Variants in IFNA17 observed in about 807,000 individuals in gnomAD.
The protein encoded by IFNA17 is interferon alpha-17.
For missense variants in IFNA17, 285 were observed against 212.7 expected, an observed-to-expected ratio of 1.34 and a Z score of -2.11; for synonymous variants, 107 against 80.5, an observed-to-expected ratio of 1.33 and a Z score of -1.76.
At position 21,228,167 on chromosome 9, in the gene IFNA17, G is replaced by A; in HGVS notation, c.7C>T (p.Leu3=). The A allele has an allele frequency of 1.2e-6, 2 of 1,609,648 alleles. No individual in the cohort carries two copies. The highest frequency in any genetic ancestry group is 8.5e-7 in the Non-Finnish European group (1 of 1,177,950). Residue 3 remains leucine (L), a synonymous_variant, in exon 1 of 1, where the codon CTG becomes TTG. Transcript: ENST00000413767. ...ACGGCCATCAGTAAAGAAAAGGACA[G>A]GGCCATTGGGATGTTGCAAATGTTG... The part of the protein sequence containing the change: MA[L]SFSLLMAVLV...
rs1293493373 is a variant in IFNA17, at chr9:21,227,901, G to A, written c.273C>T (p.Phe91=). ...HEMIQQTFNL[F]STEDSSAAWE... ...AAGCAGCAGATGAGTCCTCTGTGCT[G>A]AAGAGATTGAAGGTCTGCTGGATCA... The change falls in exon 1 of 1, where the codon TTC becomes TTT. Residue 91 remains phenylalanine (F), a synonymous_variant. Coordinates refer to ENST00000413767, the MANE Select transcript of IFNA17 (RefSeq NM_021268.2). The A allele has an allele frequency of 1.2e-6, 2 of 1,613,806 alleles. No homozygotes were observed. The highest frequency in any genetic ancestry group is 1.7e-6 in the Non-Finnish European group (2 of 1,179,876).
Position 21,228,146 on chromosome 9 carries a change from C to T in IFNA17, c.28G>A (p.Ala10Thr), listed in dbSNP as rs767346507. 2.9e-5 allele frequency: 47 copies of T among 1,613,544 alleles called. No individual in the cohort carries two copies. In the East Asian group the frequency reaches 9.8e-4, roughly 34 times the overall value. The stretch of plus-strand genomic sequence containing the variant: ...GATTTGTAGCTGAGCACCAGCACGG[C>T]CATCAGTAAAGAAAAGGACAGGGCC... MALSFSLLM[A>T]VLVLSYKSIC... is the part of the protein sequence containing the mutation. Residue 10 changes from alanine to threonine, a missense_variant, in exon 1 of 1, where the codon GCC becomes ACC. Transcript: ENST00000413767.
rs754268139 is a variant in IFNA17 at position 21,227,646 on chromosome 9, A to C, written c.528T>G (p.Ser176=). 92 of 1,612,056 alleles carry C rather than the reference A, an allele frequency of 5.7e-5. No homozygotes were observed. The highest frequency in any genetic ancestry group is 4.4e-4 in the African/African-American group (33 of 74,658). Residue 176 remains serine (S), a synonymous_variant, in exon 1 of 1, where the codon TCT becomes TCG. Coordinates refer to ENST00000413767, the MANE Select transcript of IFNA17 (RefSeq NM_021268.2). The part of the protein sequence containing the change: ...VVRAEIMRSL[S]FSTNLQKILR... ...ATATTTTTTGCAAGTTTGTTGAAAA[A>C]GAGAGAGATCTCATGATTTCTGCTC...
chr9:21,228,017 G>A lies in IFNA17; in HGVS notation c.157C>T (p.Leu53=), dbSNP rs144758101. The A allele has an allele frequency of 7.7e-3, 12,374 of 1,614,046 alleles. 106 individuals are homozygous for A. The highest frequency in any genetic ancestry group is 0.04 in the African/African-American group (2,976 of 74,978). Reference sequence around the variant, plus strand: ...AGTCCAAAGTCATGTCTGTCCTTCAGGCAGGAGAAAGGAGAGATTCTTCCC... The same window carrying A: ...AGTCCAAAGTCATGTCTGTCCTTCAAGCAGGAGAAAGGAGAGATTCTTCCC... ...QMGRISPFSC[L]KDRHDFGLPQ... The change falls in exon 1 of 1, where the codon CTG becomes TTG. Residue 53 remains leucine, a synonymous_variant. Transcript: ENST00000413767.
At position 21,227,638 on chromosome 9, in the gene IFNA17, G is replaced by A. The variant is rs1281922151; in HGVS notation, c.536C>T (p.Thr179Ile). ...AEIMRSLSFS[T>I]NLQKILRRKD ...CCTCCTTAATATTTTTTGCAAGTTT[G>A]TTGAAAAAGAGAGAGATCTCATGAT... Residue 179 changes from threonine (T) to isoleucine (I), a missense_variant, in exon 1 of 1, where the codon ACA becomes ATA. Physicochemically the swap from Thr to Ile is moderately conservative, Grantham distance 89 (BLOSUM62 -1). Coordinates refer to ENST00000413767, the MANE Select transcript of IFNA17 (RefSeq NM_021268.2). 4 of 1,611,312 alleles carry A rather than the reference G, an allele frequency of 2.5e-6. No individual in the cohort carries two copies. Among genetic ancestry groups the A allele is most frequent in the African/African-American group, 1.3e-5 (1 of 74,584 alleles).
In IFNA17 at chr9:21,227,484, T is replaced by A; in HGVS notation, c.*120A>T. ...ACGCTTCTTTACACTGCTGAAAACA[T>A]TTGAAAATTTTGATTCAACTCGTGG... On this transcript the variant is annotated 3_prime_UTR_variant, in exon 1 of 1. Coordinates refer to ENST00000413767, the MANE Select transcript of IFNA17 (RefSeq NM_021268.2). 6.7e-7 allele frequency: 1 copy of A among 1,489,608 alleles called. No homozygotes were observed. The highest frequency in any genetic ancestry group is 9.1e-7 in the Non-Finnish European group (1 of 1,103,212). 92.3% of individuals were successfully genotyped at this position (1,489,608 alleles called of 1,614,324 possible). A position where few individuals can be genotyped will look rare whatever the true frequency, so the allele number is the denominator to read the frequency against.
At position 21,227,790 on chromosome 9, in the gene IFNA17, C is replaced by T. The variant is rs143881964; in HGVS notation, c.384G>A (p.Gly128=). ...CATTCATCAGGGGAGTCTCTTCCAT[C>T]CCAACCTCCTGTATCACACATGCTT... The part of the protein sequence containing the change: ...NLEACVIQEV[G]MEETPLMNED... Residue 128 remains glycine (G), a synonymous_variant, in exon 1 of 1, where the codon GGG becomes GGA. Coordinates refer to ENST00000413767, the MANE Select transcript of IFNA17 (RefSeq NM_021268.2). The T allele has an allele frequency of 2.6e-4, 420 of 1,613,800 alleles. No individual in the cohort carries two copies. The highest frequency in any genetic ancestry group is 3.5e-4 in the Non-Finnish European group (408 of 1,179,964).
Position 21,227,951 on chromosome 9 carries a change from G to C in IFNA17, c.223C>G (p.Gln75Glu), listed in dbSNP as rs536442307. 1 of 1,613,688 alleles carries C rather than the reference G, an allele frequency of 6.2e-7. No homozygotes were observed. The highest frequency in any genetic ancestry group is 1.3e-5 in the African/African-American group (1 of 74,998). ...ATCTCATGGAGGACAGAGATGGCTT[G>C]AGTCTTCTGGAACTGGTTGCCATCA... ...EFDGNQFQKT[Q>E]AISVLHEMIQ... The change falls in exon 1 of 1, where the codon CAA becomes GAA. Residue 75 changes from glutamine (Q) to glutamate (E), a missense_variant. By Grantham distance (29) the Gln-to-Glu change is conservative. Coordinates refer to ENST00000413767, the MANE Select transcript of IFNA17 (RefSeq NM_021268.2).
Position 21,227,419 on chromosome 9 carries a change from G to T in IFNA17, c.*185C>A, listed in dbSNP as rs574852052. 6.3e-5 allele frequency: 37 copies of T among 585,710 alleles called. No homozygotes were observed. Among genetic ancestry groups the T allele is most frequent in the Admixed American group, 7.3e-5 (2 of 27,226 alleles). The allele number at this position is 585,710 out of a possible 1,614,324, so 36.3% of individuals were successfully genotyped here. A position where few individuals can be genotyped will look rare whatever the true frequency, so the allele number is the denominator to read the frequency against. On this transcript the variant is annotated 3_prime_UTR_variant, in exon 1 of 1. Coordinates refer to ENST00000413767, the MANE Select transcript of IFNA17 (RefSeq NM_021268.2). ...AATAGATGAACAGAGACATCAGCATGGTCATCTGTAAAGTACTAGTGCCTG... is the reference window on the plus strand; with the variant it reads ...AATAGATGAACAGAGACATCAGCATTGTCATCTGTAAAGTACTAGTGCCTG...
In IFNA17 at chr9:21,227,376, T is replaced by G. The variant is rs561361477; in HGVS notation, c.*228A>C. On this transcript the variant is annotated 3_prime_UTR_variant, in exon 1 of 1. Coordinates refer to ENST00000413767, the MANE Select transcript of IFNA17 (RefSeq NM_021268.2). The stretch of plus-strand genomic sequence containing the variant: ...AAATAATTTAAATCTTAAAAATAAT[T>G]AAATAAATATTTAAATAAATAGATG... 10 of 284,484 alleles carry G rather than the reference T, an allele frequency of 3.5e-5. No homozygotes were observed. The highest frequency in any genetic ancestry group is 1.2e-3 in the Middle Eastern group (1 of 834). 17.6% of individuals were successfully genotyped at this position (284,484 alleles called of 1,614,324 possible).
In IFNA17 at chr9:21,227,451, T is replaced by C; in HGVS notation, c.*153A>G. The C allele has an allele frequency of 8.9e-7, 1 of 1,119,228 alleles. No homozygotes were observed. Among genetic ancestry groups the C allele is most frequent in the Non-Finnish European group, 1.3e-6 (1 of 783,510 alleles). The allele number at this position is 1,119,228 out of a possible 1,614,324, so 69.3% of individuals were successfully genotyped here. On this transcript the variant is annotated 3_prime_UTR_variant, in exon 1 of 1. Coordinates refer to ENST00000413767, the MANE Select transcript of IFNA17 (RefSeq NM_021268.2). ...TGTAAAGTACTAGTGCCTGCACAGG[T>C]ATACACGACGCTTCTTTACACTGCT...
chr9:21,227,984 C>G lies in IFNA17; in HGVS notation c.190G>C (p.Glu64Gln), dbSNP rs1818651969. The change falls in exon 1 of 1, where the codon GAG becomes CAG. Residue 64 changes from glutamate (E) to glutamine (Q), a missense_variant. Transcript: ENST00000413767. ...KDRHDFGLPQ[E>Q]EFDGNQFQKT... ...TGGAACTGGTTGCCATCAAACTCCT[C>G]CTGGGGAAGTCCAAAGTCATGTCTG... The G allele has an allele frequency of 6.2e-7, 1 of 1,613,818 alleles. No individual in the cohort carries two copies. Among genetic ancestry groups the G allele is most frequent in the African/African-American group, 1.3e-5 (1 of 74,872 alleles).
chr9:21,227,616 CCTT>C lies in IFNA17; in HGVS notation c.555_557del (p.Arg187del), dbSNP rs1818642477. 1.2e-6 allele frequency: 2 copies of C among 1,612,182 alleles called. No individual in the cohort carries two copies. The highest frequency in any genetic ancestry group is 1.3e-5 in the African/African-American group (1 of 74,850). ...GTTGAACCAGTTTTCAATCCTTCCT[CCTT>C]AATATTTTTTGCAAGTTTGTTGAAA... On this transcript the variant is annotated inframe_deletion, in exon 1 of 1. Coordinates refer to ENST00000413767, the MANE Select transcript of IFNA17 (RefSeq NM_021268.2).
At position 21,227,560 on chromosome 9, in the gene IFNA17, T is replaced by G. The variant is rs1818641177; in HGVS notation, c.*44A>C. 2 of 1,601,888 alleles carry G rather than the reference T, an allele frequency of 1.2e-6. No individual in the cohort carries two copies. The highest frequency in any genetic ancestry group is 1.8e-5 in the Admixed American group (1 of 56,960). ...TGGAGGAACTCATGAAAGTGTGAGA[T>G]AATGTATTAGTCAATCAGGATCATT... On this transcript the variant is annotated 3_prime_UTR_variant, in exon 1 of 1. Transcript: ENST00000413767.
At position 21,227,267 on chromosome 9, in the gene IFNA17, G is replaced by T. The variant is rs1818636574; in HGVS notation, c.*337C>A. On this transcript the variant is annotated 3_prime_UTR_variant, in exon 1 of 1. Transcript: ENST00000413767. Reference sequence around the variant, plus strand: ...TGTATAGTAAAAATTTAATGAAAAAGGAAATTAATATATTGGCTAAATATG... The same window carrying T: ...TGTATAGTAAAAATTTAATGAAAAATGAAATTAATATATTGGCTAAATATG... 6.6e-6 allele frequency: 1 copy of T among 152,458 alleles called. No homozygotes were observed. The highest frequency in any genetic ancestry group is 1.5e-5 in the Non-Finnish European group (1 of 68,694). The allele number at this position is 152,458 out of a possible 1,614,324, so 9.4% of individuals were successfully genotyped here.
At position 21,227,934 on chromosome 9, in the gene IFNA17, G is replaced by A; in HGVS notation, c.240C>T (p.Leu80=). 6.2e-7 allele frequency: 1 copy of A among 1,613,918 alleles called. No homozygotes were observed. The highest frequency in any genetic ancestry group is 8.5e-7 in the Non-Finnish European group (1 of 1,179,906). Residue 80 remains leucine, a synonymous_variant, in exon 1 of 1, where the codon CTC becomes CTT. Transcript: ENST00000413767. The stretch of plus-strand genomic sequence containing the variant: ...TGAAGGTCTGCTGGATCATCTCATG[G>A]AGGACAGAGATGGCTTGAGTCTTCT... ...QFQKTQAISV[L]HEMIQQTFNL... is the part of the protein sequence containing the mutation.
In IFNA17 at chr9:21,227,578, G is replaced by A; in HGVS notation, c.*26C>T. On this transcript the variant is annotated 3_prime_UTR_variant, in exon 1 of 1. Transcript: ENST00000413767. ...TGTGAGATAATGTATTAGTCAATCA[G>A]GATCATTGCCATGTTGAACCAGTTT... The A allele has an allele frequency of 6.2e-7, 1 of 1,610,390 alleles. No homozygotes were observed. The highest frequency in any genetic ancestry group is 8.5e-7 in the Non-Finnish European group (1 of 1,179,168).
Position 21,228,052 on chromosome 9 carries a change from A to C in IFNA17, c.122T>G (p.Leu41Arg). Residue 41 changes from leucine (L) to arginine (R), a missense_variant, in exon 1 of 1, where the codon CTG becomes CGG. By Grantham distance (102) the Leu-to-Arg change is moderately radical. Coordinates refer to ENST00000413767, the MANE Select transcript of IFNA17 (RefSeq NM_021268.2). ...AGGAGAGATTCTTCCCATTTGTGCC[A>C]GGAGTATCAAGGCCCTCCTATTACC... ...SLGNRRALIL[L>R]AQMGRISPFS... is the part of the protein sequence containing the mutation. 1 of 1,614,098 alleles carries C rather than the reference A, an allele frequency of 6.2e-7. No individual in the cohort carries two copies. Among genetic ancestry groups the C allele is most frequent in the South Asian group, 1.1e-5 (1 of 91,080 alleles).
rs1818639321 is a variant in IFNA17 at position 21,227,432 on chromosome 9, G to C, written c.*172C>G. On this transcript the variant is annotated 3_prime_UTR_variant, in exon 1 of 1. Coordinates refer to ENST00000413767, the MANE Select transcript of IFNA17 (RefSeq NM_021268.2). ...AGACATCAGCATGGTCATCTGTAAAGTACTAGTGCCTGCACAGGTATACAC... is the reference window on the plus strand; with the variant it reads ...AGACATCAGCATGGTCATCTGTAAACTACTAGTGCCTGCACAGGTATACAC... 3 of 832,192 alleles carry C rather than the reference G, an allele frequency of 3.6e-6. No individual in the cohort carries two copies. Among genetic ancestry groups the C allele is most frequent in the South Asian group, 1.9e-5 (1 of 53,412 alleles). 51.6% of individuals were successfully genotyped at this position (832,192 alleles called of 1,614,324 possible). A position where few individuals can be genotyped will look rare whatever the true frequency, so the allele number is the denominator to read the frequency against.
Sources: gnomAD v4.1 joint callset for allele counts on GRCh38, gnomAD v4.1.1 for gene constraint, MANE v1.5 for transcripts, NCBI Gene and HGNC (gene_info 2026-07-23, HGNC 2026-07-21) for gene names.